Variants in NEBL observed in about 807,000 individuals in gnomAD.
NEBL encodes the protein LIM and SH3 protein 2.
NEBL carries 122 observed loss-of-function variants against 140.2 expected under a neutral mutation model. That is an observed-to-expected ratio of 0.87 (90% CI 0.75 to 1.01). The LOEUF (loss-of-function observed/expected upper bound fraction) is 1.01, where lower values mean the gene tolerates loss of function less well. Among genes scored for constraint, NEBL ranks in the 50% least tolerant of loss-of-function variants. The probability of loss-of-function intolerance (pLI) is 0.00; values close to 1 mark genes in which losing one functional copy is unlikely to be tolerated. For synonymous variants in NEBL, 436 were observed against 398.9 expected (o/e 1.09, Z -1.11); for missense variants, 1,365 against 1,231.3 (o/e 1.11, Z -1.62).
intron 26 of NEBL, among the ~76,000 whole-genome samples, chr10:20,801,202 ATTTTTATTTTTAT>A (rs1295694938): frequency 6.6e-6 from 1 of 150,860 alleles, no homozygotes; most frequent in Non-Finnish European, 1.5e-5. Context: ...AATTTTATTT[ATTTTTATTTTTAT>A]TTTTTATTTT....
chr10:21,233,849 CAT>C (rs1208879180), intron 3 of NEBL, among the ~76,000 whole-genome samples: 5 of 103,586 alleles, frequency 4.8e-5, no homozygotes, highest in African/African-American at 1.2e-4. Context: ...ATATATATTA[CAT>C]ATATAGATAT....
intron 2 of NEBL, among the ~76,000 whole-genome samples, chr10:21,151,816 C>G (rs953837196): frequency 1.3e-5 from 2 of 152,200 alleles, no homozygotes; most frequent in African/African-American, 4.8e-5. Flanking sequence ...AACTCTCCTC[C>G]AACCCCCTGC....
intron 5 of NEBL, among the ~76,000 whole-genome samples, chr10:20,878,714 T>C (rs1189990180): frequency 6.6e-6 from 1 of 152,154 alleles, no homozygotes; most frequent in Admixed American, 6.5e-5. Context: ...TAAATCCTAT[T>C]ATATGTACAA....
chr10:20,970,256 C>A (rs985569134), intron 3 of NEBL, among the ~76,000 whole-genome samples: 2 of 152,174 alleles, frequency 1.3e-5, no homozygotes, highest in African/African-American at 4.8e-5. Context: ...TTGACTCACT[C>A]ACTCATCATA....
chr10:21,195,150 C>G (rs1489254943), intron 3 of NEBL, among the ~76,000 whole-genome samples: 2 of 152,134 alleles, frequency 1.3e-5, no homozygotes, highest in Non-Finnish European at 2.9e-5. Flanking sequence ...CCTCCTTTCT[C>G]CTATCTAGAT....
intron 3 of NEBL, among the ~76,000 whole-genome samples, chr10:21,202,962 C>G (rs542776474): frequency 2.0e-5 from 3 of 152,300 alleles, no homozygotes; most frequent in African/African-American, 4.8e-5. Context: ...AAATTCCTGA[C>G]AGACTAGGAA....
At chr10:21,072,707 C>G (rs1004886325) in intron 2 of NEBL, among the ~76,000 whole-genome samples, 4 of 152,074 alleles carry the variant, frequency 2.6e-5, no homozygotes, top group Admixed American at 2.0e-4. Context: ...AAGAGAGAAG[C>G]CAGCCAGGTG....
chr10:21,128,766 A>G (rs1027223430), intron 2 of NEBL, among the ~76,000 whole-genome samples: 2 of 152,234 alleles, frequency 1.3e-5, no homozygotes, highest in Non-Finnish European at 2.9e-5. Context: ...AAGTGTGACA[A>G]AAGTGAAAAT....
intron 2 of NEBL, among the ~76,000 whole-genome samples, chr10:20,894,190 G>A (rs903489548): frequency 2.0e-5 from 3 of 152,182 alleles, no homozygotes; most frequent in African/African-American, 4.8e-5. Context: ...ACGAAGCAGG[G>A]CCAGCCCGGT....
chr10:21,010,329 C>T (rs537608892), intron 3 of NEBL, among the ~76,000 whole-genome samples: 14 of 152,278 alleles, frequency 9.2e-5, no homozygotes, highest in African/African-American at 3.1e-4. Context: ...ACTACAACCT[C>T]GACCTTCTGG....
intron 4 of NEBL, among the ~76,000 whole-genome samples, chr10:20,916,419 G>T (rs1433509441): frequency 6.6e-6 from 1 of 152,168 alleles, no homozygotes; most frequent in African/African-American, 2.4e-5. Context: ...TTTGTTTCTT[G>T]GGAAAGGGTC....
intron 2 of NEBL, among the ~76,000 whole-genome samples, chr10:21,115,860 A>C (rs956643492): frequency 2.0e-5 from 3 of 150,264 alleles, no homozygotes; most frequent in Non-Finnish European, 4.4e-5. Flanking sequence ...CTTTCCTTCC[A>C]CTCCTTTTGT....
At chr10:21,068,415 G>C (rs1385624676) in intron 2 of NEBL, among the ~76,000 whole-genome samples, 3 of 152,198 alleles carry the variant, frequency 2.0e-5, no homozygotes, top group Non-Finnish European at 2.9e-5. Context: ...CCTGGCTACA[G>C]GGATGGCCGT....
intron 4 of NEBL, among the ~76,000 whole-genome samples, chr10:20,905,430 G>A (rs1848049673): frequency 6.6e-6 from 1 of 152,166 alleles, no homozygotes; most frequent in Non-Finnish European, 1.5e-5. Flanking sequence ...TTCTTACATG[G>A]TGGCAGGCAA....
At chr10:21,249,447 A>G (rs1406060308) in intron 2 of NEBL, among the ~76,000 whole-genome samples, 2 of 152,078 alleles carry the variant, frequency 1.3e-5, no homozygotes, top group East Asian at 3.9e-4. Flanking sequence ...CCAAAAAATC[A>G]TGACCCAATC....
intron 1 of NEBL, among the ~76,000 whole-genome samples, chr10:21,276,894 G>T (rs1213132667): frequency 6.6e-6 from 1 of 152,070 alleles, no homozygotes; most frequent in African/African-American, 2.4e-5. Context: ...ACGTGAACCT[G>T]AGAGGCGGAG....
At chr10:20,914,013 CA>C (rs1469689207) in intron 4 of NEBL, among the ~76,000 whole-genome samples, 1 of 152,112 alleles carries the variant, frequency 6.6e-6, no homozygotes, top group Non-Finnish European at 1.5e-5. Context: ...TTCACCAGTG[CA>C]AACTACACTC....
chr10:20,925,567 C>A (rs1003133771), intron 4 of NEBL, among the ~76,000 whole-genome samples: 26 of 152,246 alleles, frequency 1.7e-4, no homozygotes, highest in African/African-American at 5.5e-4. Flanking sequence ...GAGTGGCTGG[C>A]CTGACTTACC....
intron 2 of NEBL, among the ~76,000 whole-genome samples, chr10:21,058,829 T>C (rs184448442): frequency 6.6e-6 from 1 of 152,308 alleles, no homozygotes; most frequent in Non-Finnish European, 1.5e-5. Context: ...TCAATCATAG[T>C]TCATTTCCTT....
Sources: allele counts gnomAD v4.1 joint callset (sites outside exome capture counted in the v4.1 genomes callset), GRCh38; gene constraint gnomAD v4.1.1; transcripts MANE v1.5; gene names NCBI Gene and HGNC (gene_info 2026-07-23, HGNC 2026-07-21).